TRAPPC11: variants seen among roughly 807,000 people sequenced by gnomAD.
The protein encoded by TRAPPC11 is trafficking protein particle complex subunit 11.
In TRAPPC11, 104 loss-of-function variants were observed where a neutral mutation model predicts 151.2. That is an observed-to-expected ratio of 0.69 (90% confidence interval 0.59 to 0.81). TRAPPC11 has a LOEUF of 0.81. Among genes scored for constraint, TRAPPC11 ranks in the 30% least tolerant of loss-of-function variants. The pLI, the probability that TRAPPC11 is intolerant of heterozygous loss-of-function variation, is 0.00. For synonymous variants in TRAPPC11, 456 were observed against 472.3 expected, an observed-to-expected ratio of 0.97 and a Z score of 0.45; for missense variants, 1,230 against 1,349.6, an observed-to-expected ratio of 0.91 and a Z score of 1.39.
chr4:183,665,365 A>T (rs11132204), intron 2 of TRAPPC11, among the ~76,000 whole-genome samples: 151,990 of 152,238 alleles, frequency 1, 75,872 homozygotes, highest in African/African-American at 1. Flanking sequence ...AAGTGCTGGG[A>T]TTACAGGCGT....
Position 183,682,823 on chromosome 4 carries a change from T to C in TRAPPC11, c.1205T>C (p.Leu402Pro), listed in dbSNP as rs758421099. The C allele has an allele frequency of 1.2e-6, 2 of 1,607,694 alleles. No homozygotes were observed. Among genetic ancestry groups the C allele is most frequent in the Non-Finnish European group, 8.5e-7 (1 of 1,174,356 alleles). Residue 402 changes from leucine (L) to proline (P), a missense_variant and splice_region_variant, in exon 11 of 30, where the codon CTA (leucine) becomes CCA (proline). By Grantham distance (98) the Leu-to-Pro change is moderately conservative. Transcript: ENST00000334690. ...CAAAGATCATGGCGACAAGGAATACTAAGTAAATAATTTTTCCCTCTGTCC... is the reference window on the plus strand; with the variant it reads ...CAAAGATCATGGCGACAAGGAATACCAAGTAAATAATTTTTCCCTCTGTCC... ...YGQRSWRQGI[L>P]SFDLSDPEKE...
At position 183,693,082 on chromosome 4, in the gene TRAPPC11, A is replaced by G; in HGVS notation, c.2172A>G (p.Lys724=). The change falls in exon 20 of 30, where the codon AAA becomes AAG. Residue 724 remains lysine, a synonymous_variant. Transcript: ENST00000334690. ...QEALQAARSF[K]RRPKLPDNEV... ...CCTTACAGGCAGCTCGGTCTTTCAA[A>G]AGGCGACCTAAGCTACCTGACAATG... 1.2e-6 allele frequency: 2 copies of G among 1,613,118 alleles called. No homozygotes were observed. The highest frequency in any genetic ancestry group is 1.7e-6 in the Non-Finnish European group (2 of 1,179,420).
At chr4:183,681,568 C>T (rs536932970) in intron 10 of TRAPPC11, among the ~76,000 whole-genome samples, 2 of 152,192 alleles carry the variant, frequency 1.3e-5, no homozygotes, top group African/African-American at 4.8e-5. Context: ...ATCACAAGGT[C>T]AGGAGATCGA....
At chr4:183,670,746 C>T (rs1262390288) in intron 5 of TRAPPC11, among the ~76,000 whole-genome samples, 1 of 152,106 alleles carries the variant, frequency 6.6e-6, no homozygotes, top group Admixed American at 6.5e-5. Flanking sequence ...GCTGGGACTA[C>T]AGGCATGCAC....
chr4:183,708,656 C>G, intron 29 of TRAPPC11, 82 bp downstream of exon 29: 1 of 1,334,176 alleles, frequency 7.5e-7, no homozygotes, highest in Non-Finnish European at 1.0e-6. Flanking sequence ...CTTCACTGAA[C>G]AGTATTTTGA....
intron 10 of TRAPPC11, among the ~76,000 whole-genome samples, chr4:183,682,344 A>G (rs902730393): frequency 2.0e-5 from 3 of 152,244 alleles, no homozygotes; most frequent in African/African-American, 7.2e-5. Context: ...CAGAAGTGAT[A>G]AAGAAGGAAA....
chr4:183,701,847 CTG>C (rs1284281075), intron 26 of TRAPPC11, 39 bp downstream of exon 26: 5 of 1,264,080 alleles, frequency 4.0e-6, no homozygotes, highest in Non-Finnish European at 5.8e-6. Context: ...TTCAATGTCT[CTG>C]TTATTCTCAT....
At chr4:183,679,279 A>T (rs1735557233) in intron 8 of TRAPPC11, 74 bp from the exon 9 acceptor site, 2 of 1,348,948 alleles carry the variant, frequency 1.5e-6, no homozygotes, top group Non-Finnish European at 2.0e-6. Flanking sequence ...TTATTCTCAA[A>T]ATAGTTTTTA....
intron 3 of TRAPPC11, 56 bp downstream of exon 3, chr4:183,666,482 T>G: frequency 1.3e-6 from 2 of 1,551,148 alleles, no homozygotes; most frequent in Non-Finnish European, 1.7e-6. Context: ...TGTTATTCAC[T>G]AACATTCCTT....
intron 8 of TRAPPC11, 89 bp downstream of exon 8, chr4:183,677,643 T>C: frequency 1.3e-6 from 1 of 797,156 alleles, no homozygotes; most frequent in South Asian, 1.6e-5. Context: ...AATTTCTTGC[T>C]CTGAAAAGTT....
At chr4:183,704,589 G>A (rs968507859) in intron 26 of TRAPPC11, among the ~76,000 whole-genome samples, 3 of 151,614 alleles carry the variant, frequency 2.0e-5, no homozygotes, top group African/African-American at 4.8e-5. Context: ...CGAGGTGGGC[G>A]GATCACGAGG....
At chr4:183,703,465 G>C (rs1238059429) in intron 26 of TRAPPC11, among the ~76,000 whole-genome samples, 1 of 152,160 alleles carries the variant, frequency 6.6e-6, no homozygotes. Context: ...TAAAGGCACT[G>C]CTGAATTATT....
chr4:183,701,901 C>T (rs957970769), intron 26 of TRAPPC11, 93 bp downstream of exon 26: 10 of 895,356 alleles, frequency 1.1e-5, no homozygotes, highest in Non-Finnish European at 1.8e-5. Context: ...TTGAGAGTTT[C>T]TGTCATTCTG....
rs28758399 is a variant in TRAPPC11, at chr4:183,670,435, C to T, written c.560+2318C>T. ...AGACCTTTCCTCTTAGGACAATAGG[C>T]TGTCTGTGTCATGCTTACTAGCAGC... is the stretch of plus-strand genomic sequence containing the variant. On this transcript the variant is annotated intron_variant, in intron 5 of 29. Transcript: ENST00000334690. Among the ~76,000 whole-genome samples, 545 of 152,282 alleles carry T rather than the reference C, an allele frequency of 3.6e-3. 4 individuals are homozygous for T. The highest frequency in any genetic ancestry group is 0.012 in the African/African-American group (518 of 41,566).
chr4:183,704,049 T>C (rs905843323), intron 26 of TRAPPC11, among the ~76,000 whole-genome samples: 2 of 152,160 alleles, frequency 1.3e-5, no homozygotes, highest in African/African-American at 2.4e-5. Flanking sequence ...ATTGAGAAAG[T>C]CTTGCTACCA....
intron 2 of TRAPPC11, among the ~76,000 whole-genome samples, 192 bp downstream of exon 2, chr4:183,664,263 G>A (rs991279806): frequency 6.6e-6 from 1 of 151,984 alleles, no homozygotes; most frequent in African/African-American, 2.4e-5. Flanking sequence ...TTAAACTCCA[G>A]AGGAATAATT....
intron 23 of TRAPPC11, among the ~76,000 whole-genome samples, chr4:183,696,246 A>C (rs996564333): frequency 1.4e-4 from 21 of 152,148 alleles, no homozygotes; most frequent in Admixed American, 2.0e-4. Context: ...GAGCTAGTAA[A>C]TATGTATTGA....
intron 18 of TRAPPC11, among the ~76,000 whole-genome samples, chr4:183,687,337 C>CA (rs1364730728): frequency 2.7e-5 from 4 of 150,884 alleles, no homozygotes; most frequent in Admixed American, 6.6e-5. Context: ...TATATATATA[C>CA]TTTTTTTTTC....
chr4:183,696,214 C>T (rs887007789), intron 23 of TRAPPC11, among the ~76,000 whole-genome samples: 8 of 152,124 alleles, frequency 5.3e-5, no homozygotes, highest in Non-Finnish European at 1.2e-4. Context: ...CCCAGGGTCA[C>T]GTCATTAGGT....
Sources: allele counts gnomAD v4.1 joint callset (sites outside exome capture counted in the v4.1 genomes callset), GRCh38; gene constraint gnomAD v4.1.1; transcripts MANE v1.5; gene names NCBI Gene and HGNC (gene_info 2026-07-23, HGNC 2026-07-21).